Variants in MED27 observed in about 807,000 individuals in gnomAD.
MED27 encodes the protein mediator complex subunit 27.
MED27 carries 30 observed loss-of-function variants against 38.2 expected under a neutral mutation model. The ratio of observed to expected loss-of-function variants is 0.79; its 90% CI spans 0.59 to 1.07. The LOEUF (loss-of-function observed/expected upper bound fraction) is 1.07. Ranked by LOEUF, MED27 falls within the 50% of genes least tolerant of loss-of-function variation. The pLI is 0.00. For missense variants in MED27, 289 were observed against 397.5 expected, an observed-to-expected ratio of 0.73 and a Z score of 2.32; for synonymous variants, 122 against 153.5, an observed-to-expected ratio of 0.79 and a Z score of 1.52.
At chr9:131,863,269 T>C (rs1589166499) in intron 6 of MED27, 129 bp from the exon 7 acceptor site, 1 of 723,444 alleles carries the variant, frequency 1.4e-6, no homozygotes, top group South Asian at 2.0e-5. Flanking sequence ...GCATCTAAAA[T>C]AAAATCTCTG....
At chr9:131,975,990 TC>T (rs1831597155) in intron 3 of MED27, among the ~76,000 whole-genome samples, 1 of 152,168 alleles carries the variant, frequency 6.6e-6, no homozygotes, top group South Asian at 2.1e-4. Context: ...TCATTCCCTT[TC>T]CTGTCCTCCA....
Position 131,862,227 on chromosome 9 carries a change from T to C in MED27, c.801+836A>G, listed in dbSNP as rs1203631171. On this transcript the variant is annotated intron_variant, in intron 7 of 7. Transcript: ENST00000292035. The surrounding 1 kb of genome is among the most constrained non-coding windows in gnomAD (Gnocchi z 4.6). ...GCCATGTGATAAGATGCACACTGAT[T>C]TGGCCTTGCTAACAGGTCTTTGGAG... Among the ~76,000 whole-genome samples the C allele has an allele frequency of 6.6e-6, 1 of 152,196 alleles. No individual in the cohort carries two copies. Among genetic ancestry groups the C allele is most frequent in the South Asian group, 2.1e-4 (1 of 4,824 alleles).
At chr9:131,884,139 A>G in intron 5 of MED27, 40 bp from the exon 6 acceptor site, 1 of 1,532,856 alleles carries the variant, frequency 6.5e-7, no homozygotes, top group Non-Finnish European at 8.9e-7. Flanking sequence ...CATCGGTCTT[A>G]GAATTCGGGA....
chr9:131,900,997 AGAG>A (rs1829935091), intron 4 of MED27, among the ~76,000 whole-genome samples: 1 of 144,006 alleles, frequency 6.9e-6, no homozygotes, highest in South Asian at 2.4e-4. Flanking sequence ...AGAGAGACAC[AGAG>A]GAGGAGAGGG....
chr9:131,884,145 C>T lies in MED27; in HGVS notation c.682-46G>A, dbSNP rs377327841. The T allele has an allele frequency of 7.6e-5, 114 of 1,500,230 alleles. No individual in the cohort carries two copies. In the Admixed American group the frequency reaches 9.9e-4, roughly 13 times the overall value. The allele number at this position is 1,500,230 out of a possible 1,614,324, so 92.9% of individuals were successfully genotyped here. A position where few individuals can be genotyped will look rare whatever the true frequency, so the allele number is the denominator to read the frequency against. ...GATCATCAGCATCGGTCTTAGAATT[C>T]GGGACTTCAAGAAATAATATTGTAA... is the stretch of plus-strand genomic sequence containing the variant. On this transcript the variant is annotated intron_variant, in intron 5 of 7. Coordinates refer to ENST00000292035, the MANE Select transcript of MED27 (RefSeq NM_004269.4).
chr9:131,866,953 G>A (rs989855050), intron 6 of MED27, among the ~76,000 whole-genome samples: 9 of 152,276 alleles, frequency 5.9e-5, no homozygotes, highest in Admixed American at 2.6e-4. Context: ...CCCTCAGCAC[G>A]GGCCTCTGTC....
intron 2 of MED27, among the ~76,000 whole-genome samples, chr9:132,057,023 C>T (rs921664932): frequency 6.6e-6 from 1 of 152,222 alleles, no homozygotes; most frequent in Non-Finnish European, 1.5e-5. Flanking sequence ...CCCCACAGCA[C>T]CAAGACTCAC....
At chr9:131,977,068 C>T (rs1233116774) in intron 3 of MED27, among the ~76,000 whole-genome samples, 1 of 152,182 alleles carries the variant, frequency 6.6e-6, no homozygotes, top group Admixed American at 6.5e-5. Context: ...TTTTTTATGG[C>T]CCTGCCAAGC....
intron 3 of MED27, among the ~76,000 whole-genome samples, chr9:131,981,390 A>G (rs1409218717): frequency 6.6e-6 from 1 of 152,216 alleles, no homozygotes; most frequent in African/African-American, 2.4e-5. Flanking sequence ...TGCTCAAATG[A>G]AACTAAAATA....
At chr9:132,059,794 G>A (rs529505296) in intron 2 of MED27, among the ~76,000 whole-genome samples, 2 of 152,162 alleles carry the variant, frequency 1.3e-5, no homozygotes, top group African/African-American at 2.4e-5. Context: ...TTCCTCGCTT[G>A]GTATTACCAG....
intron 3 of MED27, among the ~76,000 whole-genome samples, chr9:132,013,765 C>T (rs796804748): frequency 5.9e-5 from 9 of 151,748 alleles, no homozygotes; most frequent in African/African-American, 2.2e-4. Context: ...AATAATAAGC[C>T]GTGAGGTCTC....
At chr9:131,951,504 G>A (rs1358321277) in intron 3 of MED27, among the ~76,000 whole-genome samples, 1 of 152,214 alleles carries the variant, frequency 6.6e-6, no homozygotes, top group African/African-American at 2.4e-5. Flanking sequence ...AACAGAGTCT[G>A]AAGCTGGGGC....
intron 2 of MED27, among the ~76,000 whole-genome samples, chr9:132,052,852 G>T (rs756201238): frequency 6.6e-6 from 1 of 152,076 alleles, no homozygotes; most frequent in Admixed American, 6.6e-5. Context: ...TTCATTTTTC[G>T]TGGCTTAGCA....
At chr9:132,002,931 A>AAAAAAG (rs1365428165) in intron 3 of MED27, among the ~76,000 whole-genome samples, 5 of 151,332 alleles carry the variant, frequency 3.3e-5, no homozygotes, top group Non-Finnish European at 7.4e-5. Flanking sequence ...AAAAAAAAGA[A>AAAAAAG]AAAAGAAAAA....
At chr9:131,985,297 T>C (rs1564312433) in intron 3 of MED27, among the ~76,000 whole-genome samples, 1 of 152,222 alleles carries the variant, frequency 6.6e-6, no homozygotes, top group Non-Finnish European at 1.5e-5. Flanking sequence ...CTAAAACCTC[T>C]ATTTCTTAAT....
intron 6 of MED27, among the ~76,000 whole-genome samples, chr9:131,874,964 C>G (rs1838903848): frequency 6.6e-6 from 1 of 152,224 alleles, no homozygotes. Context: ...ACTTCTCCAT[C>G]AAACTTGAGG....
chr9:131,889,568 C>T lies in MED27; in HGVS notation c.681+4317G>A, dbSNP rs1839194867. ...TTATTAGAGGAATCAGGCTATTGGTCCTTGGTATCAAAAATATGCATTGCA... is the reference window on the plus strand; with the variant it reads ...TTATTAGAGGAATCAGGCTATTGGTTCTTGGTATCAAAAATATGCATTGCA... On this transcript the variant is annotated intron_variant, in intron 5 of 7. Coordinates refer to ENST00000292035, the MANE Select transcript of MED27 (RefSeq NM_004269.4). The surrounding 1 kb of genome is among the most constrained non-coding windows in gnomAD (Gnocchi z 4.2). Among the ~76,000 whole-genome samples, 3 of 152,038 alleles carry T rather than the reference C, an allele frequency of 2.0e-5. No individual in the cohort carries two copies. The highest frequency in any genetic ancestry group is 1.3e-4 in the Admixed American group (2 of 15,262).
At chr9:131,944,758 C>T (rs887446599) in intron 3 of MED27, among the ~76,000 whole-genome samples, 1 of 152,142 alleles carries the variant, frequency 6.6e-6, no homozygotes, top group African/African-American at 2.4e-5. Context: ...TCTCGAACTC[C>T]TGACCTCAGG....
chr9:131,978,004 A>G (rs1211943622), intron 3 of MED27, among the ~76,000 whole-genome samples: 2 of 152,228 alleles, frequency 1.3e-5, no homozygotes, highest in Non-Finnish European at 2.9e-5. Context: ...AGCGGCAGCT[A>G]ACGTCATCAA....
Sources: allele counts gnomAD v4.1 joint callset (sites outside exome capture counted in the v4.1 genomes callset), GRCh38; gene constraint gnomAD v4.1.1; non-coding constraint Gnocchi (gnomAD v3.1); transcripts MANE v1.5; gene names NCBI Gene and HGNC (gene_info 2026-07-23, HGNC 2026-07-21).